PEX5L: variants seen among roughly 807,000 people sequenced by gnomAD.
PEX5L encodes the protein peroxisomal biogenesis factor 5 like, also known as PEX5-related protein.
Under a neutral mutation model 84.0 loss-of-function variants are expected in PEX5L, and 30 were observed. The ratio of observed to expected loss-of-function variants is 0.36; its 90% CI spans 0.27 to 0.48. The LOEUF is 0.48. Ranked by LOEUF, PEX5L falls within the 20% of genes least tolerant of loss-of-function variation. The pLI is 0.99. For synonymous variants in PEX5L, 270 were observed against 283.1 expected (o/e 0.95, Z 0.46); for missense variants, 533 against 754.6 (o/e 0.71, Z 3.44).
At chr3:179,973,111 T>C (rs779877517) in intron 1 of PEX5L, 2 of 1,127,570 alleles carry the variant, frequency 1.8e-6, no homozygotes, top group Non-Finnish European at 2.3e-6. Context: ...GTGTCTCTAA[T>C]GTAAAACACT....
Position 179,809,534 on chromosome 3 carries a change from A to G in PEX5L, c.1289T>C (p.Leu430Pro). ...WIKQNPKYKYLVKSKKGSPGL... is the reference protein window; with the variant it reads ...WIKQNPKYKYPVKSKKGSPGL... ...TGGAGATCCCTTCTTGCTTTTCACA[A>G]GGTATTTGTACTTTGGATTTTGCTT... is the stretch of plus-strand genomic sequence containing the variant. Residue 430 changes from leucine to proline, a missense_variant, in exon 12 of 15, where the codon CTT becomes CCT. By Grantham distance (98) the Leu-to-Pro change is moderately conservative (BLOSUM62 -3). This residue lies in a region of PEX5L where 63 missense variants were observed against 60.2 expected (regional missense o/e 1.05). Transcript: ENST00000467460. The G allele has an allele frequency of 6.2e-7, 1 of 1,614,114 alleles. No homozygotes were observed. The highest frequency in any genetic ancestry group is 1.1e-5 in the South Asian group (1 of 91,076).
intron 2 of PEX5L, among the ~76,000 whole-genome samples, chr3:179,909,779 A>T (rs1211838322): frequency 6.6e-6 from 1 of 152,230 alleles, no homozygotes; most frequent in Non-Finnish European, 1.5e-5. Flanking sequence ...TAAGAAAAGG[A>T]AATTAAGACA....
chr3:179,836,799 G>T (rs1735125983), intron 8 of PEX5L, among the ~76,000 whole-genome samples: 1 of 152,132 alleles, frequency 6.6e-6, no homozygotes, highest in African/African-American at 2.4e-5. Flanking sequence ...GTCTACCTTG[G>T]TTTGGGCTTC....
chr3:179,967,407 T>C (rs1290407405), intron 2 of PEX5L, among the ~76,000 whole-genome samples: 2 of 152,124 alleles, frequency 1.3e-5, no homozygotes, highest in African/African-American at 4.8e-5. Flanking sequence ...ATGACATAAA[T>C]GTTATACACT....
At chr3:179,821,539 C>T (rs914936718) in intron 8 of PEX5L, among the ~76,000 whole-genome samples, 1 of 152,204 alleles carries the variant, frequency 6.6e-6, no homozygotes, top group South Asian at 2.1e-4. Flanking sequence ...TAATCCCAGG[C>T]TACTAAATAG....
At position 180,036,716 on chromosome 3, in the gene PEX5L, T is replaced by G; in HGVS notation, c.-117A>C. On this transcript the variant is annotated 5_prime_UTR_variant, in exon 1 of 15. Coordinates refer to ENST00000467460, the MANE Select transcript of PEX5L (RefSeq NM_016559.3). ...ACAGCGGGTTCTCAGAGGGTGCTCC[T>G]GAGCCCCCTGGAGCTCCGGGTACTC... The G allele has an allele frequency of 1.2e-5, 13 of 1,127,678 alleles. No individual in the cohort carries two copies. The highest frequency in any genetic ancestry group is 1.8e-5 in the Non-Finnish European group (13 of 740,494). The allele number at this position is 1,127,678 out of a possible 1,614,324, so 69.9% of individuals were successfully genotyped here. A position where few individuals can be genotyped will look rare whatever the true frequency, so the allele number is the denominator to read the frequency against.
intron 2 of PEX5L, among the ~76,000 whole-genome samples, chr3:179,903,926 G>A (rs577761944): frequency 1.5e-3 from 230 of 152,264 alleles, no homozygotes; most frequent in Non-Finnish European, 2.7e-3. Flanking sequence ...TAAACATTCT[G>A]AAAGAAGCAC....
At chr3:179,882,867 GCT>G (rs1482064776) in intron 4 of PEX5L, among the ~76,000 whole-genome samples, 1 of 152,046 alleles carries the variant, frequency 6.6e-6, no homozygotes, top group Non-Finnish European at 1.5e-5. Flanking sequence ...CAGGAGGATC[GCT>G]CGAAGCCAGG....
At chr3:179,919,525 C>T (rs1768505044) in intron 2 of PEX5L, among the ~76,000 whole-genome samples, 2 of 152,044 alleles carry the variant, frequency 1.3e-5, no homozygotes, top group Admixed American at 1.3e-4. Context: ...AGGGTCAGAG[C>T]TTAGTAGAAT....
intron 1 of PEX5L, among the ~76,000 whole-genome samples, chr3:179,980,620 T>C (rs1359467386): frequency 6.6e-6 from 1 of 152,216 alleles, no homozygotes; most frequent in Non-Finnish European, 1.5e-5. Flanking sequence ...ATATTCTTCA[T>C]GAATATCCTT....
At chr3:179,875,264 T>C in intron 6 of PEX5L, 90 bp downstream of exon 6, 1 of 1,212,632 alleles carries the variant, frequency 8.2e-7, no homozygotes, top group Middle Eastern at 2.0e-4. Context: ...TGATGCCAAG[T>C]ATTTGGATTG....
chr3:179,865,061 C>G (rs759433795), intron 7 of PEX5L, among the ~76,000 whole-genome samples: 4 of 152,128 alleles, frequency 2.6e-5, no homozygotes, highest in African/African-American at 7.2e-5. Context: ...AGCTGCACTG[C>G]GCATCACAGG....
intron 8 of PEX5L, among the ~76,000 whole-genome samples, chr3:179,826,957 GTAACTGTAAT>G (rs1248839252): frequency 6.6e-6 from 1 of 152,154 alleles, no homozygotes; most frequent in African/African-American, 2.4e-5. Flanking sequence ...AAAAATAGTG[GTAACTGTAAT>G]TCAGGACAGG....
intron 2 of PEX5L, among the ~76,000 whole-genome samples, chr3:179,916,161 G>A (rs1767004770): frequency 6.6e-6 from 1 of 152,104 alleles, no homozygotes; most frequent in African/African-American, 2.4e-5. Context: ...GTCATGCATT[G>A]CTTTATGACA....
intron 2 of PEX5L, among the ~76,000 whole-genome samples, chr3:179,958,096 G>GA (rs1340819587): frequency 2.0e-5 from 3 of 151,828 alleles, no homozygotes; most frequent in South Asian, 2.1e-4. Flanking sequence ...TTTTGGGAAG[G>GA]AAAAAATATA....
intron 2 of PEX5L, among the ~76,000 whole-genome samples, chr3:179,907,292 G>A (rs1166055163): frequency 6.6e-6 from 1 of 151,864 alleles, no homozygotes; most frequent in African/African-American, 2.4e-5. Flanking sequence ...TTATCTTGGA[G>A]CAAGAAGATT....
chr3:179,989,585 A>G (rs1382834383), intron 1 of PEX5L, among the ~76,000 whole-genome samples: 3 of 152,194 alleles, frequency 2.0e-5, no homozygotes, highest in Admixed American at 1.3e-4. Flanking sequence ...TGACATATTT[A>G]TATCTCAATG....
chr3:179,975,478 C>A (rs1785658914), intron 1 of PEX5L, among the ~76,000 whole-genome samples: 1 of 152,156 alleles, frequency 6.6e-6, no homozygotes, highest in Admixed American at 6.5e-5. Flanking sequence ...CTTGATTTGG[C>A]TAATTGTACA....
intron 7 of PEX5L, among the ~76,000 whole-genome samples, chr3:179,867,615 T>C (rs1316160595): frequency 6.6e-6 from 1 of 152,184 alleles, no homozygotes; most frequent in African/African-American, 2.4e-5. Context: ...GTGTATCTAA[T>C]AGTTTCTGTT....
Sources: allele counts gnomAD v4.1 joint callset (sites outside exome capture counted in the v4.1 genomes callset), GRCh38; gene constraint gnomAD v4.1.1; regional missense constraint gnomAD v4.1.1; transcripts MANE v1.5; gene names NCBI Gene and HGNC (gene_info 2026-07-23, HGNC 2026-07-21).